Variants in UNC5D observed in about 807,000 individuals in gnomAD.
UNC5D encodes the protein unc-5 netrin receptor D.
A neutral mutation model predicts 105.4 loss-of-function variants in UNC5D; 39 were observed. That is an observed-to-expected ratio of 0.37 (90% CI 0.29 to 0.48). UNC5D has a LOEUF of 0.48. UNC5D is among the 20% of genes least tolerant of loss of function. The pLI, the probability that UNC5D is intolerant of heterozygous loss-of-function variation, is 0.98. For synonymous variants in UNC5D, 452 were observed against 450.4 expected (o/e 1.00, Z -0.04); for missense variants, 991 against 1,202.4 (o/e 0.82, Z 2.60).
At chr8:35,568,609 A>T (rs1439494134) in intron 3 of UNC5D, among the ~76,000 whole-genome samples, 1 of 152,188 alleles carries the variant, frequency 6.6e-6, no homozygotes, top group African/African-American at 2.4e-5. Context: ...GAATCGCTTG[A>T]ACCCAGGAGG....
chr8:35,701,045 GACAA>G (rs1827163750), intron 7 of UNC5D, among the ~76,000 whole-genome samples: 1 of 152,132 alleles, frequency 6.6e-6, no homozygotes, highest in Non-Finnish European at 1.5e-5. Flanking sequence ...TATGATTTAT[GACAA>G]ACAAAATAAT....
chr8:35,248,206 A>G (rs181412779), intron 1 of UNC5D, among the ~76,000 whole-genome samples: 19,056 of 60,700 alleles, frequency 0.31, 4,376 homozygotes, highest in Middle Eastern at 0.45. Flanking sequence ...TATTATATAA[A>G]ATATATAATA....
chr8:35,417,252 C>T (rs1386089879), intron 1 of UNC5D, among the ~76,000 whole-genome samples: 1 of 145,154 alleles, frequency 6.9e-6, no homozygotes, highest in Non-Finnish European at 1.5e-5. Context: ...CTACCCTTCT[C>T]ACCTTCTGGT....
intron 7 of UNC5D, among the ~76,000 whole-genome samples, chr8:35,700,526 A>G (rs1827118587): frequency 6.6e-6 from 1 of 152,322 alleles, no homozygotes; most frequent in South Asian, 2.1e-4. Context: ...AGAGAGAAGC[A>G]ATCCCTGCAA....
intron 1 of UNC5D, among the ~76,000 whole-genome samples, chr8:35,387,017 C>CA (rs1563367214): frequency 6.6e-6 from 1 of 151,290 alleles, no homozygotes; most frequent in Non-Finnish European, 1.5e-5. Flanking sequence ...GAAGGAATTC[C>CA]CCCCCTGCTG....
chr8:35,261,328 A>G (rs1804476599), intron 1 of UNC5D, among the ~76,000 whole-genome samples: 1 of 152,192 alleles, frequency 6.6e-6, no homozygotes. Flanking sequence ...TCCTCCAGTT[A>G]TTTCAGTAAA....
At chr8:35,518,199 G>A (rs1220009113) in intron 1 of UNC5D, among the ~76,000 whole-genome samples, 1 of 152,064 alleles carries the variant, frequency 6.6e-6, no homozygotes, top group African/African-American at 2.4e-5. Flanking sequence ...ATCCACTAAT[G>A]TATTTTTAAC....
At chr8:35,583,460 G>T (rs764953127) in intron 3 of UNC5D, among the ~76,000 whole-genome samples, 15 of 152,196 alleles carry the variant, frequency 9.9e-5, no homozygotes, top group South Asian at 6.2e-4. Context: ...CAGCCTAAGT[G>T]CAGTCAGTGC....
At chr8:35,395,048 G>C (rs1804011894) in intron 1 of UNC5D, among the ~76,000 whole-genome samples, 1 of 152,140 alleles carries the variant, frequency 6.6e-6, no homozygotes. Flanking sequence ...CCTGTAATGT[G>C]CTTTGCCTAG....
chr8:35,593,896 G>A (rs1489438832), intron 3 of UNC5D, among the ~76,000 whole-genome samples: 1 of 152,202 alleles, frequency 6.6e-6, no homozygotes, highest in Non-Finnish European at 1.5e-5. Context: ...ATGGAGGAAG[G>A]ATTTTTGACC....
At chr8:35,723,808 T>G (rs542311207) in intron 9 of UNC5D, among the ~76,000 whole-genome samples, 23 of 152,144 alleles carry the variant, frequency 1.5e-4, no homozygotes, top group Non-Finnish European at 2.8e-4. Flanking sequence ...ATGAGCTGTA[T>G]TAGTGTGAGA....
chr8:35,493,616 C>T (rs993321168), intron 1 of UNC5D, among the ~76,000 whole-genome samples: 11 of 152,042 alleles, frequency 7.2e-5, no homozygotes, highest in African/African-American at 2.4e-4. Context: ...AAAATCCATG[C>T]TCCCAAATGG....
intron 1 of UNC5D, among the ~76,000 whole-genome samples, chr8:35,361,770 T>G (rs1801867222): frequency 6.6e-6 from 1 of 152,186 alleles, no homozygotes; most frequent in African/African-American, 2.4e-5. Context: ...TAGCAACAGC[T>G]TTAACTGGCC....
At chr8:35,275,724 T>C (rs1387020251) in intron 1 of UNC5D, among the ~76,000 whole-genome samples, 3 of 152,224 alleles carry the variant, frequency 2.0e-5, no homozygotes, top group Non-Finnish European at 1.5e-5. Context: ...ATCTGTAAAA[T>C]GGGCATAGTC....
intron 1 of UNC5D, among the ~76,000 whole-genome samples, chr8:35,493,154 T>C (rs1025294510): frequency 3.3e-5 from 5 of 151,734 alleles, no homozygotes; most frequent in African/African-American, 1.2e-4. Context: ...AATTTAATAG[T>C]TCTCAGCATG....
chr8:35,506,891 G>A (rs547438115), intron 1 of UNC5D, among the ~76,000 whole-genome samples: 4 of 152,258 alleles, frequency 2.6e-5, no homozygotes, highest in African/African-American at 9.6e-5. Context: ...CAAGAGGGCT[G>A]TCAAACTCGA....
chr8:35,610,671 G>C lies in UNC5D; in HGVS notation c.570+15014G>C, dbSNP rs375150978. 1.0e-3 allele frequency among the ~76,000 whole-genome samples: 154 copies of C among 152,168 alleles called. No individual in the cohort carries two copies. In the Middle Eastern group the frequency reaches 0.024, roughly 24 times the overall value. On this transcript the variant is annotated intron_variant, in intron 4 of 16. Coordinates refer to ENST00000404895, the MANE Select transcript of UNC5D (RefSeq NM_080872.4). ...ATACAAAAAGAGAAGTGAGAGAACCGAGTGCAATCTCTACCCTCATTATGA... is the reference window on the plus strand; with the variant it reads ...ATACAAAAAGAGAAGTGAGAGAACCCAGTGCAATCTCTACCCTCATTATGA...
chr8:35,325,771 G>C (rs1387447962), intron 1 of UNC5D, among the ~76,000 whole-genome samples: 1 of 152,168 alleles, frequency 6.6e-6, no homozygotes, highest in East Asian at 1.9e-4. Context: ...CTCAGGTGGA[G>C]GAAGGGGGAA....
chr8:35,369,018 A>G (rs929296563), intron 1 of UNC5D, among the ~76,000 whole-genome samples: 1 of 152,222 alleles, frequency 6.6e-6, no homozygotes, highest in Non-Finnish European at 1.5e-5. Context: ...AGTCTGACCT[A>G]AGACTTTATC....
Sources: allele counts gnomAD v4.1 joint callset (sites outside exome capture counted in the v4.1 genomes callset), GRCh38; gene constraint gnomAD v4.1.1; transcripts MANE v1.5; gene names NCBI Gene and HGNC (gene_info 2026-07-23, HGNC 2026-07-21).